CAST: variants seen among roughly 807,000 people sequenced by gnomAD.
CAST encodes MIR583 host.
CAST carries 76 observed loss-of-function variants against 119.6 expected under a neutral mutation model. The ratio of observed to expected loss-of-function variants is 0.64; its 90% CI spans 0.53 to 0.77. The LOEUF (loss-of-function observed/expected upper bound fraction) is 0.77, where lower values mean the gene tolerates loss of function less well. CAST is among the 30% of genes least tolerant of loss of function. The pLI is 0.00. For synonymous variants in CAST, 319 were observed against 331.6 expected, an observed-to-expected ratio of 0.96 and a Z score of 0.41; for missense variants, 953 against 946.5, an observed-to-expected ratio of 1.01 and a Z score of -0.09.
chr5:96,180,225 A>G, the CAST span, among the ~76,000 whole-genome samples: 1 of 152,212 alleles, frequency 6.6e-6, no homozygotes, highest in Non-Finnish European at 1.5e-5. Flanking sequence ...AATCTTATAC[A>G]CTTACATTTA....
chr5:95,984,925 T>A, the CAST span, among the ~76,000 whole-genome samples: 1,365 of 152,354 alleles, frequency 9.0e-3, 19 homozygotes, highest in African/African-American at 0.03. Context: ...TTAATGCTTT[T>A]ATATTGATTA....
the CAST span, among the ~76,000 whole-genome samples, chr5:96,363,330 T>C: frequency 6.7e-6 from 1 of 149,372 alleles, no homozygotes; most frequent in African/African-American, 2.5e-5. Context: ...TCTTTTTTGG[T>C]TCCATATGAA....
the CAST span, among the ~76,000 whole-genome samples, chr5:96,342,548 C>T: frequency 6.6e-6 from 1 of 152,212 alleles, no homozygotes; most frequent in Non-Finnish European, 1.5e-5. Flanking sequence ...GCCTACCTGC[C>T]TTTAAGCCAG....
chr5:96,291,257 A>C, the CAST span, among the ~76,000 whole-genome samples: 8 of 152,244 alleles, frequency 5.3e-5, no homozygotes. Context: ...ATTATAATTT[A>C]AAGCCAGTGA....
At chr5:95,986,544 G>A in the CAST span, among the ~76,000 whole-genome samples, 2 of 152,212 alleles carry the variant, frequency 1.3e-5, no homozygotes, top group East Asian at 3.9e-4. Flanking sequence ...GAGTACATAT[G>A]GATATGGTAT....
At chr5:96,048,866 T>C in the CAST span, among the ~76,000 whole-genome samples, 3 of 152,110 alleles carry the variant, frequency 2.0e-5, no homozygotes, top group South Asian at 6.2e-4. Context: ...AGGTATCCAA[T>C]GGAAGGGGTG....
At chr5:96,121,492 A>G in the CAST span, among the ~76,000 whole-genome samples, 1 of 152,044 alleles carries the variant, frequency 6.6e-6, no homozygotes, top group African/African-American at 2.4e-5. Context: ...TGAAAAAAAA[A>G]AAAAGCAACC....
At chr5:96,594,081 GT>G (rs1747012506) in intron 1 of CAST, among the ~76,000 whole-genome samples, 1 of 152,198 alleles carries the variant, frequency 6.6e-6, no homozygotes, top group Admixed American at 6.5e-5. Context: ...CATGTTACAT[GT>G]ACTACTGAGG....
chr5:96,196,703 G>T, the CAST span, among the ~76,000 whole-genome samples: 1 of 152,138 alleles, frequency 6.6e-6, no homozygotes, highest in Admixed American at 6.5e-5. Context: ...ACAAGATGAG[G>T]TCAAAAAGAA....
the CAST span, among the ~76,000 whole-genome samples, chr5:96,503,950 C>CA: frequency 6.6e-6 from 1 of 152,162 alleles, no homozygotes; most frequent in East Asian, 1.9e-4. Context: ...ATCTTGTAGC[C>CA]AATATGCCTC....
chr5:96,294,817 A>C, the CAST span, among the ~76,000 whole-genome samples: 2 of 152,268 alleles, frequency 1.3e-5, no homozygotes, highest in Non-Finnish European at 2.9e-5. Flanking sequence ...AGCTGTCAGC[A>C]TAGAGGCCTT....
At chr5:96,287,704 T>C in the CAST span, among the ~76,000 whole-genome samples, 1 of 152,066 alleles carries the variant, frequency 6.6e-6, no homozygotes, top group African/African-American at 2.4e-5. Context: ...TCCAGACACA[T>C]CTAATAAAAT....
chr5:96,744,072 A>G (rs1478792213), intron 16 of CAST, among the ~76,000 whole-genome samples: 5 of 152,314 alleles, frequency 3.3e-5, no homozygotes, highest in African/African-American at 1.2e-4. Flanking sequence ...TTAAGAAAAA[A>G]AGTGACATAA....
the CAST span, among the ~76,000 whole-genome samples, chr5:96,312,688 A>G: frequency 1.3e-5 from 2 of 152,120 alleles, no homozygotes; most frequent in Admixed American, 1.3e-4. Context: ...AGTAAAAGCA[A>G]TCTTTCCATA....
At chr5:96,373,734 CTTT>C in the CAST span, among the ~76,000 whole-genome samples, 5,872 of 151,996 alleles carry the variant, frequency 0.039, 129 homozygotes, top group Middle Eastern at 0.11. Context: ...CATTTCATTT[CTTT>C]TTTTCTTCTC....
At chr5:96,522,179 G>A (rs1745529184), upstream of CAST, among the ~76,000 whole-genome samples, 1 of 152,118 alleles carries the variant, frequency 6.6e-6, no homozygotes, top group Admixed American at 6.5e-5. Flanking sequence ...TCAGAAGGGA[G>A]GATTCAAGGC....
chr5:96,571,464 G>A (rs1746564445), intron 1 of CAST, among the ~76,000 whole-genome samples: 1 of 152,074 alleles, frequency 6.6e-6, no homozygotes, highest in African/African-American at 2.4e-5. Flanking sequence ...GTTATTGATG[G>A]GGCTTGTGGC....
chr5:96,426,087 G>T, the CAST span, among the ~76,000 whole-genome samples: 7 of 152,176 alleles, frequency 4.6e-5, no homozygotes, highest in East Asian at 1.3e-3. Context: ...GAGAAGAAGG[G>T]ATTGCCCACT....
chr5:96,210,640 TA>T, the CAST span, among the ~76,000 whole-genome samples: 4 of 152,072 alleles, frequency 2.6e-5, no homozygotes, highest in Non-Finnish European at 5.9e-5. Flanking sequence ...TTCACTTTAT[TA>T]AAAAATTTAA....
Sources: allele counts gnomAD v4.1 joint callset (sites outside exome capture counted in the v4.1 genomes callset), GRCh38; gene constraint gnomAD v4.1.1; transcripts MANE v1.5; gene names NCBI Gene and HGNC (gene_info 2026-07-23, HGNC 2026-07-21).